The following PPARGC1A variants were observed in gnomAD, a reference collection of about 807,000 sequenced individuals.
PPARGC1A encodes the protein PPARG coactivator 1 alpha, also known as peroxisome proliferator-activated receptor gamma coactivator 1-alpha.
In PPARGC1A, 25 loss-of-function variants were observed where a neutral mutation model predicts 88.7. The observed-to-expected ratio is 0.28, with a 90% CI of 0.21 to 0.39. The LOEUF (loss-of-function observed/expected upper bound fraction) is 0.39. PPARGC1A is among the 10% of genes least tolerant of loss of function. PPARGC1A has a pLI of 1.00. For missense variants in PPARGC1A, 880 were observed against 968.7 expected (o/e 0.91, Z 1.22); for synonymous variants, 363 against 355.6 (o/e 1.02, Z -0.24).
At chr4:24,295,996 G>GTTTA in the PPARGC1A span, among the ~76,000 whole-genome samples, 1 of 134,524 alleles carries the variant, frequency 7.4e-6, no homozygotes, top group Non-Finnish European at 1.6e-5. Flanking sequence ...TACTATATAT[G>GTTTA]TGTATGTATG....
chr4:24,283,845 G>A, the PPARGC1A span, among the ~76,000 whole-genome samples: 2 of 152,160 alleles, frequency 1.3e-5, no homozygotes, highest in Non-Finnish European at 2.9e-5. Context: ...CTGCTGAAAG[G>A]ATTAAACAAG....
chr4:24,165,199 ATTT>A, the PPARGC1A span, among the ~76,000 whole-genome samples: 1 of 152,106 alleles, frequency 6.6e-6, no homozygotes, highest in Non-Finnish European at 1.5e-5. Flanking sequence ...AAAAATTTTA[ATTT>A]TTTTATTTAA....
chr4:23,963,126 G>GA, the PPARGC1A span, among the ~76,000 whole-genome samples: 2 of 152,044 alleles, frequency 1.3e-5, no homozygotes, highest in African/African-American at 4.8e-5. Context: ...GAGACCCCGT[G>GA]AAAAAACCAC....
chr4:24,306,034 C>T, the PPARGC1A span, among the ~76,000 whole-genome samples: 1 of 152,128 alleles, frequency 6.6e-6, no homozygotes, highest in Non-Finnish European at 1.5e-5. Flanking sequence ...AAACAGAAGA[C>T]CTGGGGAGCA....
chr4:24,437,495 A>G, the PPARGC1A span, among the ~76,000 whole-genome samples: 1 of 152,168 alleles, frequency 6.6e-6, no homozygotes, highest in Non-Finnish European at 1.5e-5. Context: ...TGACCCAGGT[A>G]GAGAGGTGCA....
the PPARGC1A span, among the ~76,000 whole-genome samples, chr4:24,422,535 C>T: frequency 4.0e-5 from 6 of 151,696 alleles, no homozygotes; most frequent in Admixed American, 6.6e-5. Flanking sequence ...CTGCTTTTTC[C>T]AGTAAGCCTT....
the PPARGC1A span, among the ~76,000 whole-genome samples, chr4:24,387,837 AAAGAG>A: frequency 7.8e-5 from 6 of 77,348 alleles, no homozygotes; most frequent in African/African-American, 1.9e-4. Flanking sequence ...AGAAAGAGAG[AAAGAG>A]AGAGAGAAAG....
At chr4:24,038,614 C>T in the PPARGC1A span, among the ~76,000 whole-genome samples, 1 of 152,218 alleles carries the variant, frequency 6.6e-6, no homozygotes, top group South Asian at 2.1e-4. Flanking sequence ...AGTGTTATTC[C>T]TCAGGGTGAT....
At chr4:24,338,295 G>A in the PPARGC1A span, among the ~76,000 whole-genome samples, 2 of 152,036 alleles carry the variant, frequency 1.3e-5, no homozygotes, top group South Asian at 2.1e-4. Flanking sequence ...AACTGAAAAG[G>A]CAGACACTTG....
chr4:23,896,348 A>G (rs1335798052), intron 1 of PPARGC1A, among the ~76,000 whole-genome samples: 1 of 152,214 alleles, frequency 6.6e-6, no homozygotes, highest in East Asian at 1.9e-4. Flanking sequence ...TATTAAAGCC[A>G]TGCCTGCTTA....
At chr4:24,050,597 T>C in the PPARGC1A span, among the ~76,000 whole-genome samples, 2 of 152,200 alleles carry the variant, frequency 1.3e-5, no homozygotes, top group Non-Finnish European at 2.9e-5. Context: ...AAGTGATTGC[T>C]AGTTAATTCT....
chr4:24,218,328 A>T, the PPARGC1A span, among the ~76,000 whole-genome samples: 1 of 152,388 alleles, frequency 6.6e-6, no homozygotes, highest in African/African-American at 2.4e-5. Context: ...TACACAAAAG[A>T]TGAAATGGTA....
the PPARGC1A span, among the ~76,000 whole-genome samples, chr4:24,002,097 C>CACACAGAGAGAG: frequency 7.3e-4 from 92 of 125,374 alleles, 1 homozygote; most frequent in African/African-American, 2.9e-3. Context: ...CACACACACA[C>CACACAGAGAGAG]AGAGAGAGAG....
the PPARGC1A span, among the ~76,000 whole-genome samples, chr4:24,438,101 G>T: frequency 6.6e-6 from 1 of 152,160 alleles, no homozygotes; most frequent in African/African-American, 2.4e-5. Flanking sequence ...ATTGGACCAG[G>T]GGTCGCCAGG....
chr4:24,115,437 G>GA, the PPARGC1A span, among the ~76,000 whole-genome samples: 2 of 151,540 alleles, frequency 1.3e-5, no homozygotes, highest in Non-Finnish European at 2.9e-5. Context: ...CCATGGCTTG[G>GA]AAAAAAAACC....
chr4:24,449,430 T>C, the PPARGC1A span, among the ~76,000 whole-genome samples: 1 of 152,242 alleles, frequency 6.6e-6, no homozygotes, highest in Admixed American at 6.5e-5. Context: ...CTTTTTGGAA[T>C]CTTTATAGCA....
chr4:24,470,277 G>GACACACACAC, the PPARGC1A span, among the ~76,000 whole-genome samples: 6,998 of 110,402 alleles, frequency 0.063, 311 homozygotes, highest in Non-Finnish European at 0.072. This position sits in a 1 kb window ranked among gnomAD's most constrained non-coding sequence, Gnocchi z 5.8. Flanking sequence ...GACAGACACA[G>GACACACACAC]ACACACACAC....
the PPARGC1A span, among the ~76,000 whole-genome samples, chr4:24,094,239 C>T: frequency 1.3e-5 from 2 of 152,280 alleles, no homozygotes; most frequent in Admixed American, 6.5e-5. Context: ...AAGAAATAAG[C>T]TTCCAGTGTT....
chr4:24,433,602 C>A, the PPARGC1A span, among the ~76,000 whole-genome samples: 1 of 152,144 alleles, frequency 6.6e-6, no homozygotes, highest in East Asian at 1.9e-4. Context: ...TATTTGACAG[C>A]CTTTTAGATA....
Sources: allele counts gnomAD v4.1 joint callset (sites outside exome capture counted in the v4.1 genomes callset), GRCh38; gene constraint gnomAD v4.1.1; non-coding constraint Gnocchi (gnomAD v3.1); transcripts MANE v1.5; gene names NCBI Gene and HGNC (gene_info 2026-07-23, HGNC 2026-07-21).